Variants in HIVEP1 observed in about 807,000 individuals in gnomAD.
HIVEP1 encodes HIVEP zinc finger 1.
Under a neutral mutation model 180.0 loss-of-function variants are expected in HIVEP1, and 36 were observed. The observed-to-expected ratio is 0.20, with a 90% CI of 0.15 to 0.26. HIVEP1 has a LOEUF of 0.26. Ranked by LOEUF, HIVEP1 falls within the 10% of genes least tolerant of loss-of-function variation. HIVEP1 has a pLI of 1.00. For missense variants in HIVEP1, 3,143 were observed against 3,268.7 expected, an observed-to-expected ratio of 0.96 and a Z score of 0.94; for synonymous variants, 1,239 against 1,239.0, an observed-to-expected ratio of 1.00 and a Z score of 0.00.
intron 3 of HIVEP1, among the ~76,000 whole-genome samples, chr6:12,118,623 C>G (rs1057131235): frequency 6.6e-6 from 1 of 152,154 alleles, no homozygotes; most frequent in African/African-American, 2.4e-5. Context: ...CCTACCTGCC[C>G]TACCTATTGC....
intron 2 of HIVEP1, among the ~76,000 whole-genome samples, chr6:12,069,426 G>A (rs1347406242): frequency 6.6e-6 from 1 of 151,984 alleles, no homozygotes. Flanking sequence ...GCACGCTACT[G>A]TAGACTTTAT....
downstream of HIVEP1, among the ~76,000 whole-genome samples, chr6:12,165,665 A>G (rs974947550): frequency 1.8e-4 from 27 of 152,252 alleles, no homozygotes; most frequent in Non-Finnish European, 5.9e-5. Flanking sequence ...TAGGTTTATG[A>G]GAAAAGTATT....
chr6:12,012,584 C>T lies in HIVEP1; in HGVS notation c.-104+18C>T, dbSNP rs1395177585. On this transcript the variant is annotated intron_variant, in intron 1 of 8. Transcript: ENST00000379388. Reference sequence around the variant, plus strand: ...GGCAGCAGGTTCGGCGCGGGCTCCGCGGCGGGGGCGCTGCAGCTGGGGAGG... The same window carrying T: ...GGCAGCAGGTTCGGCGCGGGCTCCGTGGCGGGGGCGCTGCAGCTGGGGAGG... The T allele has an allele frequency of 3.7e-5, 4 of 107,302 alleles. No homozygotes were observed. The highest frequency in any genetic ancestry group is 1.6e-4 in the African/African-American group (4 of 24,630). 6.6% of individuals were successfully genotyped at this position (107,302 alleles called of 1,614,324 possible).
At chr6:12,183,474 T>A in the HIVEP1 span, among the ~76,000 whole-genome samples, 509 of 152,346 alleles carry the variant, frequency 3.3e-3, 2 homozygotes, top group African/African-American at 0.011. Flanking sequence ...CTTGGAGATA[T>A]GTTCTACAGT....
At position 12,123,846 on chromosome 6, in the gene HIVEP1, T is replaced by A. The variant is rs1238706787; in HGVS notation, c.4051T>A (p.Leu1351Met). ...KAEFLMIPAG[L>M]NTLNVPGCHR... ...CGAGTTTCTTATGATTCCAGCTGGCTTGAATACTCTGAATGTTCCTGGATG... is the reference window on the plus strand; with the variant it reads ...CGAGTTTCTTATGATTCCAGCTGGCATGAATACTCTGAATGTTCCTGGATG... The change falls in exon 4 of 9, where the codon TTG becomes ATG. Residue 1351 changes from leucine to methionine, a missense_variant. By Grantham distance (15) the Leu-to-Met change is conservative. Around this residue, in one of 12 missense-constraint regions of HIVEP1, gnomAD observed 1,357 missense variants for 1,260.5 expected, o/e 1.08. Transcript: ENST00000379388. 3 of 1,614,042 alleles carry A rather than the reference T, an allele frequency of 1.9e-6. No homozygotes were observed. In the African/African-American group the frequency reaches 4.0e-5, roughly 22 times the overall value.
intron 7 of HIVEP1, among the ~76,000 whole-genome samples, chr6:12,151,834 G>T (rs220020): frequency 0.051 from 7,781 of 152,230 alleles, 630 homozygotes; most frequent in African/African-American, 0.18. Flanking sequence ...ACAAGAACCA[G>T]TGGAGAGCCA....
intron 2 of HIVEP1, among the ~76,000 whole-genome samples, chr6:12,069,727 A>G (rs1038161122): frequency 4.0e-5 from 6 of 151,724 alleles, no homozygotes; most frequent in African/African-American, 1.5e-4. Flanking sequence ...TATAATAATA[A>G]TAAATAAATA....
At chr6:12,160,987 C>T (rs1057132503) in intron 7 of HIVEP1, among the ~76,000 whole-genome samples, 1 of 152,176 alleles carries the variant, frequency 6.6e-6, no homozygotes, top group Non-Finnish European at 1.5e-5. Context: ...CAGATACCAA[C>T]AGCCATCAGT....
Position 12,164,015 on chromosome 6 carries a change from A to G in HIVEP1, c.7711A>G (p.Met2571Val), listed in dbSNP as rs371718769. The change falls in exon 9 of 9, where the codon ATG (methionine) becomes GTG (valine). Residue 2571 changes from methionine (M) to valine (V), a missense_variant. Physicochemically the swap from Met to Val is conservative, Grantham distance 21. Coordinates refer to ENST00000379388, the MANE Select transcript of HIVEP1 (RefSeq NM_002114.4). Reference protein sequence around the residue: ...VAVDAQGAPEMPASQSKACET... With the variant: ...VAVDAQGAPEVPASQSKACET... ...CGTTGATGCACAGGGAGCTCCAGAA[A>G]TGCCAGCTTCCCAAAGCAAAGCATG... 1.2e-5 allele frequency: 20 copies of G among 1,614,018 alleles called. No homozygotes were observed. The African/African-American group carries it at 2.4e-4, about 19-fold the overall frequency.
At chr6:12,133,753 C>A (rs768083278) in intron 6 of HIVEP1, among the ~76,000 whole-genome samples, 2 of 152,170 alleles carry the variant, frequency 1.3e-5, no homozygotes, top group African/African-American at 4.8e-5. Flanking sequence ...GAGGCCAAGG[C>A]AGGCAGATTG....
chr6:12,106,114 A>C (rs1448140076), intron 3 of HIVEP1, among the ~76,000 whole-genome samples: 2 of 151,764 alleles, frequency 1.3e-5, no homozygotes, highest in Non-Finnish European at 2.9e-5. Context: ...GGGCCTTTTT[A>C]TGTATTTTTG....
chr6:12,128,286 C>T (rs1342902805), intron 4 of HIVEP1, among the ~76,000 whole-genome samples: 6 of 152,210 alleles, frequency 3.9e-5, no homozygotes, highest in Admixed American at 2.6e-4. Flanking sequence ...ATCAGTAGCT[C>T]TTCCCTCTGC....
At chr6:12,059,856 A>G (rs996173516) in intron 2 of HIVEP1, among the ~76,000 whole-genome samples, 8 of 152,330 alleles carry the variant, frequency 5.3e-5, no homozygotes, top group African/African-American at 1.9e-4. Context: ...GCACATTGGT[A>G]GATACTTAGT....
the HIVEP1 span, among the ~76,000 whole-genome samples, chr6:12,195,456 T>TA: frequency 6.6e-6 from 1 of 152,308 alleles, no homozygotes; most frequent in South Asian, 2.1e-4. Context: ...TGTCAGCGGT[T>TA]AAAAAAATTT....
At chr6:12,199,155 A>G in the HIVEP1 span, among the ~76,000 whole-genome samples, 5 of 152,200 alleles carry the variant, frequency 3.3e-5, no homozygotes, top group African/African-American at 7.2e-5. Context: ...TTATTTGTTC[A>G]TGGCATCTTC....
At position 12,063,078 on chromosome 6, in the gene HIVEP1, A is replaced by G. The variant is rs9470880; in HGVS notation, c.41-26106A>G. Among the ~76,000 whole-genome samples, 10,971 of 152,322 alleles carry G rather than the reference A, an allele frequency of 0.072. 435 individuals carry two copies. The highest frequency in any genetic ancestry group is 0.13 in the Admixed American group (1,978 of 15,300). ...ATCATTATTCATGATTTAAAAATAT[A>G]ATATGCTAATCTAAATTATGTTTTA... On this transcript the variant is annotated intron_variant, in intron 2 of 8. Transcript: ENST00000379388. This position sits in a 1 kb window ranked among gnomAD's most constrained non-coding sequence, Gnocchi z 4.2.
chr6:12,069,740 TAAAA>T (rs896878825), intron 2 of HIVEP1, among the ~76,000 whole-genome samples: 3 of 151,570 alleles, frequency 2.0e-5, no homozygotes, highest in African/African-American at 4.8e-5. Context: ...AATAAATAAA[TAAAA>T]AGAAAAAAAT....
At chr6:12,205,880 C>T in the HIVEP1 span, among the ~76,000 whole-genome samples, 1 of 152,144 alleles carries the variant, frequency 6.6e-6, no homozygotes, top group Non-Finnish European at 1.5e-5. Flanking sequence ...TTTTAGCATA[C>T]AGCGTGGCAC....
rs777769770 is a variant in HIVEP1 at position 12,125,706 on chromosome 6, A to G, written c.5911A>G (p.Ser1971Gly). The G allele has an allele frequency of 3.7e-6, 6 of 1,614,102 alleles. No homozygotes were observed. The highest frequency in any genetic ancestry group is 5.1e-6 in the Non-Finnish European group (6 of 1,180,062). Residue 1971 changes from serine to glycine, a missense_variant, in exon 4 of 9, where the codon AGC (serine) becomes GGC (glycine). Around this residue, in one of 12 missense-constraint regions of HIVEP1, gnomAD observed 1,357 missense variants for 1,260.5 expected, o/e 1.08. Coordinates refer to ENST00000379388, the MANE Select transcript of HIVEP1 (RefSeq NM_002114.4). ...TTCAGCCTATACTGATTGGACAGTA[A>G]GCGCCAGTAATCCAAATCCACTCGG... Reference protein sequence around the residue: ...KTSAYTDWTVSASNPNPLGLP... With the variant: ...KTSAYTDWTVGASNPNPLGLP...
Sources: allele counts gnomAD v4.1 joint callset (sites outside exome capture counted in the v4.1 genomes callset), GRCh38; gene constraint gnomAD v4.1.1; regional missense constraint gnomAD v4.1.1; non-coding constraint Gnocchi (gnomAD v3.1); transcripts MANE v1.5; gene names NCBI Gene and HGNC (gene_info 2026-07-23, HGNC 2026-07-21).